RANBP2: variants seen among roughly 807,000 people sequenced by gnomAD.
RANBP2 encodes the protein RAN binding protein 2, also known as E3 SUMO-protein ligase RanBP2.
A neutral mutation model predicts 303.6 loss-of-function variants in RANBP2; 57 were observed. The ratio of observed to expected loss-of-function variants is 0.19; its 90% CI spans 0.15 to 0.23. The LOEUF (loss-of-function observed/expected upper bound fraction) is 0.23. Ranked by LOEUF, RANBP2 falls within the 10% of genes least tolerant of loss-of-function variation. The pLI, the probability that RANBP2 is intolerant of heterozygous loss-of-function variation, is 1.00. For synonymous variants in RANBP2, 1,167 were observed against 1,301.5 expected (o/e 0.90, Z 2.23); for missense variants, 3,138 against 3,780.8 (o/e 0.83, Z 4.46).
the RANBP2 span, among the ~76,000 whole-genome samples, chr2:109,526,361 G>A: frequency 6.6e-6 from 1 of 152,260 alleles, no homozygotes; most frequent in South Asian, 2.1e-4. Context: ...AAGCTGGAGT[G>A]CAGTGGTCTG....
the RANBP2 span, among the ~76,000 whole-genome samples, chr2:109,409,762 A>G: frequency 8.3e-6 from 1 of 120,522 alleles, no homozygotes; most frequent in African/African-American, 3.5e-5. Flanking sequence ...TCTTTGCAGA[A>G]TCAAGCAGAA....
the RANBP2 span, among the ~76,000 whole-genome samples, chr2:109,588,462 A>G: frequency 2.0e-5 from 3 of 152,304 alleles, no homozygotes; most frequent in African/African-American, 7.2e-5. Flanking sequence ...GAATATTGTT[A>G]TAAGGTTTCT....
At chr2:109,700,674 C>T in the RANBP2 span, among the ~76,000 whole-genome samples, 1 of 151,904 alleles carries the variant, frequency 6.6e-6, no homozygotes, top group African/African-American at 2.4e-5. Flanking sequence ...TTTGGGGGTC[C>T]AAGATATTTT....
chr2:109,289,194 TTC>T, the RANBP2 span, among the ~76,000 whole-genome samples: 5 of 152,136 alleles, frequency 3.3e-5, no homozygotes, highest in African/African-American at 1.2e-4. Flanking sequence ...AAAAGCCCCT[TTC>T]TCTGCTGTCA....
chr2:109,121,405 G>T, the RANBP2 span, among the ~76,000 whole-genome samples: 1 of 152,160 alleles, frequency 6.6e-6, no homozygotes, highest in Non-Finnish European at 1.5e-5. Flanking sequence ...TTGCACTAAT[G>T]ATATTTACAC....
chr2:109,764,166 T>C, the RANBP2 span, among the ~76,000 whole-genome samples: 1 of 150,318 alleles, frequency 6.7e-6, no homozygotes, highest in Non-Finnish European at 1.5e-5. Flanking sequence ...TTCCAGTTTC[T>C]GGTTTGAAGC....
At chr2:108,899,621 T>A in the RANBP2 span, among the ~76,000 whole-genome samples, 1 of 152,242 alleles carries the variant, frequency 6.6e-6, no homozygotes, top group Admixed American at 6.5e-5. Flanking sequence ...TTACAACTAC[T>A]GTAAACAGAG....
the RANBP2 span, among the ~76,000 whole-genome samples, chr2:109,596,542 A>C: frequency 6.6e-6 from 1 of 151,960 alleles, no homozygotes; most frequent in Admixed American, 6.6e-5. Context: ...GCGTGAACCC[A>C]GGAGGCAGAG....
At chr2:109,262,031 A>G in the RANBP2 span, among the ~76,000 whole-genome samples, 1 of 152,208 alleles carries the variant, frequency 6.6e-6, no homozygotes, top group African/African-American at 2.4e-5. Context: ...AGCAGGAGAC[A>G]GGTCGGTGGC....
At chr2:109,159,188 G>T in the RANBP2 span, among the ~76,000 whole-genome samples, 4 of 152,236 alleles carry the variant, frequency 2.6e-5, no homozygotes, top group South Asian at 8.3e-4. Context: ...ACAGAGCAGG[G>T]TCTGAGCCGT....
Position 108,749,069 on chromosome 2 carries a change from G to C in RANBP2, c.1213G>C (p.Asp405His), listed in dbSNP as rs750123699. 2.5e-6 allele frequency: 4 copies of C among 1,611,936 alleles called. No homozygotes were observed. The highest frequency in any genetic ancestry group is 3.4e-6 in the Non-Finnish European group (4 of 1,179,850). The change falls in exon 9 of 29, where the codon GAT becomes CAT. Residue 405 changes from aspartate (D) to histidine (H), a missense_variant. Asp to His is a moderately conservative substitution (Grantham distance 81). Transcript: ENST00000283195. ...GGATACATCTTTTCTTGGTAGCGATGATATTGGAAACATTGATGTACGAGA... is the reference window on the plus strand; with the variant it reads ...GGATACATCTTTTCTTGGTAGCGATCATATTGGAAACATTGATGTACGAGA... Reference protein sequence around the residue: ...PKDTSFLGSDDIGNIDVREPE... With the variant: ...PKDTSFLGSDHIGNIDVREPE...
At chr2:109,570,061 G>A in the RANBP2 span, among the ~76,000 whole-genome samples, 20,461 of 151,878 alleles carry the variant, frequency 0.13, 1,859 homozygotes, top group African/African-American at 0.26. Context: ...ATTTAAAATG[G>A]GCCAAATCAA....
At chr2:109,114,961 C>G in the RANBP2 span, among the ~76,000 whole-genome samples, 2 of 152,148 alleles carry the variant, frequency 1.3e-5, no homozygotes, top group African/African-American at 4.8e-5. Context: ...GTTTCTTAAC[C>G]CTGAGTTCTG....
the RANBP2 span, among the ~76,000 whole-genome samples, chr2:109,559,911 C>CTT: frequency 0.19 from 22,204 of 117,432 alleles, 3,293 homozygotes; most frequent in African/African-American, 0.4. Flanking sequence ...CAACCAATGC[C>CTT]TTTTTTTTTT....
chr2:108,870,234 G>A, the RANBP2 span, among the ~76,000 whole-genome samples: 3 of 152,174 alleles, frequency 2.0e-5, no homozygotes, highest in Non-Finnish European at 4.4e-5. Flanking sequence ...TTTACTAGAA[G>A]AGTTCAACAG....
chr2:109,161,426 G>C, the RANBP2 span, among the ~76,000 whole-genome samples: 2 of 151,374 alleles, frequency 1.3e-5, no homozygotes, highest in African/African-American at 2.5e-5. Flanking sequence ...GTGGGAATGT[G>C]ATGCTTCCTG....
At chr2:109,603,428 A>G in the RANBP2 span, among the ~76,000 whole-genome samples, 1 of 152,100 alleles carries the variant, frequency 6.6e-6, no homozygotes. Flanking sequence ...TTTAGTAGAG[A>G]TGGGGTTTCA....
At chr2:109,301,095 C>G in the RANBP2 span, among the ~76,000 whole-genome samples, 1 of 152,194 alleles carries the variant, frequency 6.6e-6, no homozygotes, top group African/African-American at 2.4e-5. Context: ...AATAAATAAT[C>G]ATTGCTATTT....
At chr2:108,962,906 G>T in the RANBP2 span, among the ~76,000 whole-genome samples, 1 of 152,110 alleles carries the variant, frequency 6.6e-6, no homozygotes, top group Non-Finnish European at 1.5e-5. Context: ...CAAGAGATCT[G>T]CAGACAATCC....
Sources: allele counts gnomAD v4.1 joint callset (sites outside exome capture counted in the v4.1 genomes callset), GRCh38; gene constraint gnomAD v4.1.1; transcripts MANE v1.5; gene names NCBI Gene and HGNC (gene_info 2026-07-23, HGNC 2026-07-21).